Variants in WDFY4 observed in about 807,000 individuals in gnomAD.
WDFY4 encodes the protein WDFY family member 4, also known as WD repeat- and FYVE domain-containing protein 4.
In WDFY4, 169 loss-of-function variants were observed where a neutral mutation model predicts 351.9. The ratio of observed to expected loss-of-function variants is 0.48; its 90% CI spans 0.42 to 0.55. The LOEUF is 0.55. Ranked by LOEUF, WDFY4 falls within the 20% of genes least tolerant of loss-of-function variation. The pLI is 0.00. For synonymous variants in WDFY4, 1,622 were observed against 1,574.6 expected (o/e 1.03, Z -0.71); for missense variants, 3,803 against 3,935.6 (o/e 0.97, Z 0.90).
At chr10:48,726,203 C>A in intron 6 of WDFY4, 133 bp downstream of exon 6, 1 of 1,083,680 alleles carries the variant, frequency 9.2e-7, no homozygotes, top group Non-Finnish European at 1.3e-6. Context: ...AATTTTGGGA[C>A]CAAAGAAGAG....
intron 11 of WDFY4, among the ~76,000 whole-genome samples, chr10:48,736,393 G>T (rs1380886741): frequency 6.6e-6 from 1 of 152,220 alleles, no homozygotes; most frequent in Middle Eastern, 3.2e-3. Flanking sequence ...TTTCATTCAG[G>T]CCTAGAACTG....
At chr10:48,917,575 G>A (rs1338616321) in intron 47 of WDFY4, among the ~76,000 whole-genome samples, 4 of 152,238 alleles carry the variant, frequency 2.6e-5, no homozygotes, top group Non-Finnish European at 5.9e-5. Context: ...ACAGGGGCCA[G>A]AGGTGCTGGA....
intron 51 of WDFY4, among the ~76,000 whole-genome samples, chr10:48,955,471 C>T (rs1430164394): frequency 6.6e-6 from 1 of 152,338 alleles, no homozygotes; most frequent in South Asian, 2.1e-4. Flanking sequence ...GAGCTGAGTT[C>T]CCCCTTGGCC....
Position 48,974,931 on chromosome 10 carries a change from G to C in WDFY4, c.8998G>C (p.Gly3000Arg). ...AGTCACCTTCAGCCTCCTGGTGAGC[G>C]GCTCCCAGGACTGCACCTGTATCCT... ...ASVTFSLLVSGSQDCTCILWD... is the reference protein window; with the variant it reads ...ASVTFSLLVSRSQDCTCILWD... Residue 3000 changes from glycine to arginine, a missense_variant, in exon 58 of 62, where the codon GGC (glycine) becomes CGC (arginine). Around this residue, in one of 3 missense-constraint regions of WDFY4, gnomAD observed 3,054 missense variants for 3,148.6 expected, o/e 0.97. Coordinates refer to ENST00000325239, the MANE Select transcript of WDFY4 (RefSeq NM_001394531.1). 6.4e-7 allele frequency: 1 copy of C among 1,551,626 alleles called. No individual in the cohort carries two copies. The highest frequency in any genetic ancestry group is 8.7e-7 in the Non-Finnish European group (1 of 1,146,968).
chr10:48,737,315 G>A (rs142847591), intron 11 of WDFY4, among the ~76,000 whole-genome samples: 8 of 151,986 alleles, frequency 5.3e-5, no homozygotes, highest in Non-Finnish European at 7.4e-5. Context: ...TGGCCAACAC[G>A]CTCATGTTTC....
chr10:48,740,228 C>T (rs1463033296), intron 11 of WDFY4, among the ~76,000 whole-genome samples: 1 of 152,182 alleles, frequency 6.6e-6, no homozygotes, highest in African/African-American at 2.4e-5. Flanking sequence ...GTCACGTGAC[C>T]AGGCATAGGT....
At chr10:48,760,546 C>T (rs1174248230) in intron 13 of WDFY4, 106 bp downstream of exon 13, 3 of 1,101,616 alleles carry the variant, frequency 2.7e-6, no homozygotes, top group Non-Finnish European at 4.0e-6. Context: ...TCTTCAGTGC[C>T]CTGCGTTAGC....
At position 48,811,484 on chromosome 10, in the gene WDFY4, C is replaced by T. The variant is rs745615248; in HGVS notation, c.5045-55C>T. 564 of 1,518,714 alleles carry T rather than the reference C, an allele frequency of 3.7e-4. 1 individual carries two copies. The highest frequency in any genetic ancestry group is 4.8e-4 in the Non-Finnish European group (537 of 1,122,240). The allele number at this position is 1,518,714 out of a possible 1,614,324, so 94.1% of individuals were successfully genotyped here. A position where few individuals can be genotyped will look rare whatever the true frequency, so the allele number is the denominator to read the frequency against. On this transcript the variant is annotated intron_variant, in intron 29 of 61. Transcript: ENST00000325239. Reference sequence around the variant, plus strand: ...GTTCCTTTGTGTGTCCAGGCCCCACCTTGACCAGCAGCTGTTCTCAGCTGA... The same window carrying T: ...GTTCCTTTGTGTGTCCAGGCCCCACTTTGACCAGCAGCTGTTCTCAGCTGA...
intron 4 of WDFY4, 97 bp from the exon 5 acceptor site, chr10:48,723,336 G>A: frequency 7.0e-7 from 1 of 1,438,124 alleles, no homozygotes. Flanking sequence ...CTGTCCCATG[G>A]CCTCACTGAA....
At chr10:48,770,439 A>G (rs918038773) in intron 13 of WDFY4, among the ~76,000 whole-genome samples, 1 of 152,246 alleles carries the variant, frequency 6.6e-6, no homozygotes, top group African/African-American at 2.4e-5. Flanking sequence ...TTTGAATAAT[A>G]CATTGTGATG....
chr10:48,743,586 G>A (rs1018425606), intron 12 of WDFY4, 38 bp downstream of exon 12: 2 of 1,508,226 alleles, frequency 1.3e-6, no homozygotes, highest in Non-Finnish European at 1.8e-6. Flanking sequence ...GTGCATCTCT[G>A]TCTCCCATTC....
At chr10:48,927,419 G>C (rs553051750) in intron 47 of WDFY4, among the ~76,000 whole-genome samples, 44 of 152,318 alleles carry the variant, frequency 2.9e-4, no homozygotes, top group African/African-American at 1.0e-3. Flanking sequence ...GGCTCACACA[G>C]CTGCCTTATT....
chr10:48,883,414 C>G (rs1589808364), intron 43 of WDFY4, among the ~76,000 whole-genome samples: 1 of 150,784 alleles, frequency 6.6e-6, no homozygotes, highest in Non-Finnish European at 1.5e-5. Context: ...GTGTGTTACT[C>G]TCTACATTCC....
chr10:48,955,256 G>C (rs79048035), intron 51 of WDFY4, among the ~76,000 whole-genome samples: 1,693 of 152,264 alleles, frequency 0.011, 17 homozygotes, highest in Non-Finnish European at 0.017. Flanking sequence ...TTTCAACCAA[G>C]AGCAAAGCGA....
intron 1 of WDFY4, among the ~76,000 whole-genome samples, chr10:48,685,552 G>A (rs566133963): frequency 1.1e-4 from 16 of 152,282 alleles, no homozygotes; most frequent in Non-Finnish European, 2.2e-4. Flanking sequence ...TGCCTCCCTG[G>A]GCTCACTTCC....
rs2064910983 is a variant in WDFY4 at position 48,743,295 on chromosome 10, G to A, written c.2206G>A (p.Asp736Asn). ...GGGCAACCTGCTGCGCTCTTGGGTG[G>A]ACACAAAGGCCAGGCCATTTGCAGA... ...EEGNLLRSWV[D>N]TKARPFADLL... Residue 736 changes from aspartate to asparagine, a missense_variant, in exon 12 of 62, where the codon GAC becomes AAC. By Grantham distance (23) the Asp-to-Asn change is conservative. Around this residue, in one of 3 missense-constraint regions of WDFY4, gnomAD observed 3,054 missense variants for 3,148.6 expected, o/e 0.97. Transcript: ENST00000325239. 2 of 1,551,550 alleles carry A rather than the reference G, an allele frequency of 1.3e-6. No individual in the cohort carries two copies. Among genetic ancestry groups the A allele is most frequent in the Non-Finnish European group, 1.7e-6 (2 of 1,147,002 alleles).
chr10:48,786,400 G>A lies in WDFY4; in HGVS notation c.3577-239G>A, dbSNP rs1277588216. ...AGATAAGAAAGGTGTACACTTTTTT[G>A]TTTCTTAATATTTTTTATCAAATTT... On this transcript the variant is annotated intron_variant, in intron 19 of 61. Coordinates refer to ENST00000325239, the MANE Select transcript of WDFY4 (RefSeq NM_001394531.1). Among the ~76,000 whole-genome samples the A allele has an allele frequency of 2.0e-5, 3 of 151,884 alleles. No individual in the cohort carries two copies. In the East Asian group the frequency reaches 5.8e-4, roughly 29 times the overall value.
At chr10:48,864,244 T>G (rs943767610) in intron 39 of WDFY4, among the ~76,000 whole-genome samples, 8 of 152,262 alleles carry the variant, frequency 5.3e-5, no homozygotes, top group African/African-American at 1.9e-4. Flanking sequence ...TTGTTTCATT[T>G]TAAGTTAATT....
chr10:48,757,635 T>TCTCTTTTTTTTTA (rs2065375752), intron 12 of WDFY4, among the ~76,000 whole-genome samples: 1 of 152,026 alleles, frequency 6.6e-6, no homozygotes, highest in East Asian at 1.9e-4. Flanking sequence ...TTGTTTGTTT[T>TCTCTTTTTTTTTA]CTCTTTTTTT....
Sources: allele counts gnomAD v4.1 joint callset (sites outside exome capture counted in the v4.1 genomes callset), GRCh38; gene constraint gnomAD v4.1.1; regional missense constraint gnomAD v4.1.1; transcripts MANE v1.5; gene names NCBI Gene and HGNC (gene_info 2026-07-23, HGNC 2026-07-21).